Variants in SLC51A observed in about 807,000 individuals in gnomAD.
SLC51A encodes solute carrier family 51 member A.
Under a neutral mutation model 34.8 loss-of-function variants are expected in SLC51A, and 22 were observed. The observed-to-expected ratio is 0.63, with a 90% confidence interval of 0.45 to 0.90. The LOEUF is 0.90. Among genes scored for constraint, SLC51A ranks in the 40% least tolerant of loss-of-function variants. The pLI, the probability that SLC51A is intolerant of heterozygous loss-of-function variation, is 0.00. For synonymous variants in SLC51A, 181 were observed against 176.3 expected (o/e 1.03, Z -0.21); for missense variants, 371 against 414.8 (o/e 0.89, Z 0.92).
At chr3:196,224,616 C>T (rs570095533) in intron 2 of SLC51A, among the ~76,000 whole-genome samples, 5 of 144,548 alleles carry the variant, frequency 3.5e-5, no homozygotes, top group African/African-American at 1.3e-4. Flanking sequence ...GTGGAGGCTG[C>T]AGTAAGCTAA....
intron 2 of SLC51A, among the ~76,000 whole-genome samples, chr3:196,224,843 A>C (rs1276662868): frequency 1.3e-5 from 2 of 151,500 alleles, no homozygotes; most frequent in Non-Finnish European, 2.9e-5. Context: ...ACCTGCTGAC[A>C]CCTTGATCTT....
intron 2 of SLC51A, among the ~76,000 whole-genome samples, chr3:196,224,736 GAGGGGA>G (rs1723854529): frequency 9.8e-6 from 1 of 102,086 alleles, no homozygotes. Flanking sequence ...GAGGGGAGGA[GAGGGGA>G]GAGGGGAGGG....
chr3:196,225,033 T>C (rs1279673870), intron 2 of SLC51A, among the ~76,000 whole-genome samples: 2 of 151,468 alleles, frequency 1.3e-5, no homozygotes, highest in African/African-American at 4.8e-5. Context: ...TCCTTTTTTT[T>C]TTTTTTTCAC....
intron 2 of SLC51A, among the ~76,000 whole-genome samples, chr3:196,218,154 C>T (rs1458330412): frequency 1.3e-5 from 2 of 152,198 alleles, no homozygotes; most frequent in South Asian, 4.1e-4. Context: ...GGAGAGCAAC[C>T]GTCATGTTGG....
rs750382466 is a variant in SLC51A at position 196,227,585 on chromosome 3, C to T, written c.289-79C>T. Reference sequence around the variant, plus strand: ...GCCTCGAATGTGTAGGTTTTGCCTCCTGTGTCCTTGCCGCAAAAGGCTTCC... The same window carrying T: ...GCCTCGAATGTGTAGGTTTTGCCTCTTGTGTCCTTGCCGCAAAAGGCTTCC... On this transcript the variant is annotated intron_variant, in intron 3 of 8. Coordinates refer to ENST00000296327, the MANE Select transcript of SLC51A (RefSeq NM_152672.6). 4 of 1,266,756 alleles carry T rather than the reference C, an allele frequency of 3.2e-6. No homozygotes were observed. In the Admixed American group the frequency reaches 5.1e-5, roughly 16 times the overall value. The allele number at this position is 1,266,756 out of a possible 1,614,324, so 78.5% of individuals were successfully genotyped here. A position where few individuals can be genotyped will look rare whatever the true frequency, so the allele number is the denominator to read the frequency against.
chr3:196,226,872 T>C, intron 2 of SLC51A, 93 bp from the exon 3 acceptor site: 1 of 1,330,842 alleles, frequency 7.5e-7, no homozygotes, highest in Non-Finnish European at 1.0e-6. Flanking sequence ...GGTGGGAGCC[T>C]AGATCCAGTA....
At chr3:196,223,501 G>A (rs1349856012) in intron 2 of SLC51A, among the ~76,000 whole-genome samples, 1 of 151,768 alleles carries the variant, frequency 6.6e-6, no homozygotes, top group East Asian at 1.9e-4. Flanking sequence ...AATGAAGACT[G>A]GGAAGGACTG....
Position 196,232,542 on chromosome 3 carries a change from C to A in SLC51A, c.886+18C>A. On this transcript the variant is annotated intron_variant, in intron 8 of 8. Transcript: ENST00000296327. ...GTCTCAAGGTGAGCACGTTAAGCCT[C>A]CTGTCCCATCGTGGGATGGATGAGA... The A allele has an allele frequency of 6.3e-7, 1 of 1,591,600 alleles. No homozygotes were observed. The highest frequency in any genetic ancestry group is 8.6e-7 in the Non-Finnish European group (1 of 1,159,536).
chr3:196,216,661 G>T lies in SLC51A; in HGVS notation c.-52G>T. On this transcript the variant is annotated 5_prime_UTR_variant, in exon 1 of 9. Coordinates refer to ENST00000296327, the MANE Select transcript of SLC51A (RefSeq NM_152672.6). This position sits in a 1 kb window ranked among gnomAD's most constrained non-coding sequence, Gnocchi z 4.5. ...CCCCCGGCCCCCACCTGCCCGCCCC[G>T]CCTGCCCTTCCTCACCCCGGTGCCT... is the stretch of plus-strand genomic sequence containing the variant. 3.2e-6 allele frequency: 4 copies of T among 1,247,912 alleles called. No individual in the cohort carries two copies. The highest frequency in any genetic ancestry group is 3.0e-5 in the East Asian group (1 of 33,160). The allele number at this position is 1,247,912 out of a possible 1,614,324, so 77.3% of individuals were successfully genotyped here. A position where few individuals can be genotyped will look rare whatever the true frequency, so the allele number is the denominator to read the frequency against.
At chr3:196,229,604 T>C (rs1407345277) in intron 6 of SLC51A, among the ~76,000 whole-genome samples, 1 of 150,602 alleles carries the variant, frequency 6.6e-6, no homozygotes, top group Non-Finnish European at 1.5e-5. Flanking sequence ...CTTGAACACC[T>C]GACCTCAGGT....
chr3:196,222,582 C>G lies in SLC51A; in HGVS notation c.134-4383C>G, dbSNP rs571470565. 2.0e-3 allele frequency among the ~76,000 whole-genome samples: 302 copies of G among 151,324 alleles called. 1 individual carries two copies. Among genetic ancestry groups the G allele is most frequent in the African/African-American group, 7.1e-3 (293 of 41,340 alleles). On this transcript the variant is annotated intron_variant, in intron 2 of 8. Transcript: ENST00000296327. ...TCCACGAGGCGGAGCTTGCAGTAAG[C>G]CGAGATCGCGCCACTGCACCCCAGC... is the stretch of plus-strand genomic sequence containing the variant.
chr3:196,220,953 G>C (rs529112327), intron 2 of SLC51A, among the ~76,000 whole-genome samples: 1 of 148,876 alleles, frequency 6.7e-6, no homozygotes, highest in African/African-American at 2.5e-5. Flanking sequence ...GCAGTGGTGC[G>C]ATCTCGGCTT....
intron 2 of SLC51A, among the ~76,000 whole-genome samples, chr3:196,226,193 C>T (rs1370657275): frequency 1.3e-5 from 2 of 152,066 alleles, no homozygotes; most frequent in Admixed American, 1.3e-4. Flanking sequence ...TGGGGGTGCA[C>T]ACCTGTAGTC....
chr3:196,222,326 A>G (rs1723779646), intron 2 of SLC51A, among the ~76,000 whole-genome samples: 1 of 152,180 alleles, frequency 6.6e-6, no homozygotes, highest in African/African-American at 2.4e-5. Flanking sequence ...TCATGGAAAC[A>G]GAGTTCTGTA....
chr3:196,229,711 G>A (rs1441518553), intron 6 of SLC51A: 4 of 326,052 alleles, frequency 1.2e-5, no homozygotes, highest in East Asian at 8.3e-5. Flanking sequence ...AAAGTTAGCT[G>A]GGAATGGTGG....
At chr3:196,229,440 G>A (rs1356259269) in intron 6 of SLC51A, among the ~76,000 whole-genome samples, 3 of 149,052 alleles carry the variant, frequency 2.0e-5, no homozygotes, top group Non-Finnish European at 3.0e-5. Context: ...GTGCAGTAGC[G>A]CATCTCGGCT....
chr3:196,226,784 A>AG (rs1486031027), intron 2 of SLC51A, among the ~76,000 whole-genome samples, 181 bp from the exon 3 acceptor site: 3 of 150,136 alleles, frequency 2.0e-5, no homozygotes, highest in Non-Finnish European at 4.4e-5. Flanking sequence ...AAAAAAAAAA[A>AG]AAAAAGAAAA....
intron 2 of SLC51A, among the ~76,000 whole-genome samples, chr3:196,221,859 G>T (rs1264245588): frequency 6.6e-6 from 1 of 152,018 alleles, no homozygotes; most frequent in Non-Finnish European, 1.5e-5. Context: ...GGGACTACAG[G>T]CGCCCGCCAC....
intron 7 of SLC51A, among the ~76,000 whole-genome samples, chr3:196,231,508 C>T (rs1478858240): frequency 2.0e-5 from 3 of 152,152 alleles, no homozygotes; most frequent in Admixed American, 2.0e-4. Context: ...ATTTGATCTA[C>T]GTACATGCCT....
Sources: allele counts gnomAD v4.1 joint callset (sites outside exome capture counted in the v4.1 genomes callset), GRCh38; gene constraint gnomAD v4.1.1; non-coding constraint Gnocchi (gnomAD v3.1); transcripts MANE v1.5; gene names NCBI Gene and HGNC (gene_info 2026-07-23, HGNC 2026-07-21).